Variants in RTKN observed in about 807,000 individuals in gnomAD.
RTKN encodes rhotekin.
Under a neutral mutation model 63.5 loss-of-function variants are expected in RTKN, and 49 were observed. The ratio of observed to expected loss-of-function variants is 0.77; its 90% CI spans 0.61 to 0.98. RTKN has a LOEUF of 0.98. Among genes scored for constraint, RTKN ranks in the 50% least tolerant of loss-of-function variants. RTKN has a pLI of 0.00. For missense variants in RTKN, 685 were observed against 740.8 expected (o/e 0.92, Z 0.87); for synonymous variants, 295 against 290.4 (o/e 1.02, Z -0.16).
intron 1 of RTKN, among the ~76,000 whole-genome samples, chr2:74,435,683 A>C (rs183340772): frequency 1.7e-3 from 259 of 152,322 alleles, no homozygotes; most frequent in African/African-American, 5.6e-3. Context: ...TTCAGGAGAC[A>C]AGTCGAGCCA....
intron 9 of RTKN, chr2:74,428,007 G>T: frequency 3.7e-6 from 2 of 545,054 alleles, no homozygotes; most frequent in Non-Finnish European, 6.6e-6. Flanking sequence ...GAGGGAGAGA[G>T]GATGAAAAGC....
intron 11 of RTKN, chr2:74,426,961 T>G: frequency 1.0e-6 from 1 of 985,356 alleles, no homozygotes; most frequent in Non-Finnish European, 1.2e-6. Context: ...CCTGGCTCAC[T>G]GGGGTTTTGT....
rs149311850 is a variant in RTKN at position 74,431,967 on chromosome 2, G to A, written c.311+500C>T. 123 of 222,718 alleles carry A rather than the reference G, an allele frequency of 5.5e-4. 1 individual carries two copies. The highest frequency in any genetic ancestry group is 2.6e-3 in the African/African-American group (113 of 42,960). The allele number at this position is 222,718 out of a possible 1,614,324, so 13.8% of individuals were successfully genotyped here. Reference sequence around the variant, plus strand: ...CAGTGTTGCTTACATTTTACATCCAGAAGCTGAGCCCTTTTAGAATGCACA... The same window carrying A: ...CAGTGTTGCTTACATTTTACATCCAAAAGCTGAGCCCTTTTAGAATGCACA... On this transcript the variant is annotated intron_variant, in intron 2 of 11. Transcript: ENST00000272430.
chr2:74,430,678 C>T lies in RTKN; in HGVS notation c.312-1G>A. Reference sequence around the variant, plus strand: ...AGCGGGCGGGCCACTGTCAGAAGGCCTGTGGATAAATCACAATGTCCTGGC... The same window carrying T: ...AGCGGGCGGGCCACTGTCAGAAGGCTTGTGGATAAATCACAATGTCCTGGC... On this transcript the variant is annotated splice_acceptor_variant, in intron 2 of 11. Coordinates refer to ENST00000272430, the MANE Select transcript of RTKN (RefSeq NM_001015055.2). LOFTEE classifies it high-confidence loss of function. 5.0e-6 allele frequency: 8 copies of T among 1,611,696 alleles called. No individual in the cohort carries two copies. Among genetic ancestry groups the T allele is most frequent in the Non-Finnish European group, 6.8e-6 (8 of 1,179,676 alleles).
chr2:74,433,257 C>CATATATATATAT (rs1262494465), intron 1 of RTKN, among the ~76,000 whole-genome samples: 2 of 144,384 alleles, frequency 1.4e-5, no homozygotes, highest in African/African-American at 5.1e-5. Context: ...AAAAAAAAAA[C>CATATATATATAT]ATATATATAT....
At position 74,430,029 on chromosome 2, in the gene RTKN, G is replaced by A. The variant is rs747238362; in HGVS notation, c.554C>T (p.Ala185Val). Residue 185 changes from alanine to valine, a missense_variant, in exon 6 of 12, where the codon GCG becomes GTG. By Grantham distance (64) the Ala-to-Val change is moderately conservative. Coordinates refer to ENST00000272430, the MANE Select transcript of RTKN (RefSeq NM_001015055.2). ...SFQSNVLFAE[A>V]GPDFELRLEL... Reference sequence around the variant, plus strand: ...TAACCGCAGTTCAAAGTCTGGCCCCGCCTCAGCGCTGGTGGGAGGAAGAAA... The same window carrying A: ...TAACCGCAGTTCAAAGTCTGGCCCCACCTCAGCGCTGGTGGGAGGAAGAAA... 17 of 1,614,186 alleles carry A rather than the reference G, an allele frequency of 1.1e-5. No individual in the cohort carries two copies. The Admixed American group carries it at 1.3e-4, about 13-fold the overall frequency.
At chr2:74,433,250 A>AC (rs1670861422) in intron 1 of RTKN, among the ~76,000 whole-genome samples, 3 of 146,124 alleles carry the variant, frequency 2.1e-5, no homozygotes, top group African/African-American at 7.5e-5. Context: ...CTCAAAAAAA[A>AC]AAAAAACATA....
At chr2:74,437,968 T>G (rs529235805) in intron 1 of RTKN, among the ~76,000 whole-genome samples, 1 of 152,166 alleles carries the variant, frequency 6.6e-6, no homozygotes. Flanking sequence ...AAGACGGTCC[T>G]GAGAAAGATT....
At chr2:74,439,470 C>T (rs1348315037) in intron 1 of RTKN, 13 of 1,494,570 alleles carry the variant, frequency 8.7e-6, no homozygotes, top group Non-Finnish European at 1.1e-5. Flanking sequence ...CCCCACCATG[C>T]TGTAGCAGGA....
chr2:74,427,825 A>T, intron 9 of RTKN: 1 of 544,864 alleles, frequency 1.8e-6, no homozygotes. Flanking sequence ...GGGATTGAGC[A>T]AGGCAGGGAA....
chr2:74,434,533 G>C (rs959077381), intron 1 of RTKN, among the ~76,000 whole-genome samples: 4 of 152,252 alleles, frequency 2.6e-5, no homozygotes, highest in African/African-American at 9.6e-5. Context: ...ACCCGCCTTG[G>C]CCTCCCAAAG....
Position 74,432,632 on chromosome 2 carries a change from A to G in RTKN, c.146T>C (p.Ile49Thr). ...TELQRKLDHEIRMREGACKLL... is the reference protein window; with the variant it reads ...TELQRKLDHETRMREGACKLL... Reference sequence around the variant, plus strand: ...CTTACAGGCCCCTTCCCTCATCCGGATCTCATGGTCTAGCTTCCTCTGCAA... The same window carrying G: ...CTTACAGGCCCCTTCCCTCATCCGGGTCTCATGGTCTAGCTTCCTCTGCAA... Residue 49 changes from isoleucine to threonine, a missense_variant, in exon 2 of 12, where the codon ATC becomes ACC. Ile to Thr is a moderately conservative substitution (Grantham distance 89). Transcript: ENST00000272430. The G allele has an allele frequency of 2.5e-6, 4 of 1,613,990 alleles. No homozygotes were observed. The highest frequency in any genetic ancestry group is 3.4e-6 in the Non-Finnish European group (4 of 1,179,998).
At chr2:74,432,375 A>G in intron 2 of RTKN, 92 bp downstream of exon 2, 1 of 1,208,166 alleles carries the variant, frequency 8.3e-7, no homozygotes, top group Non-Finnish European at 1.2e-6. Context: ...GTCATCTTTA[A>G]GGTGGTCCAC....
At chr2:74,430,861 T>C (rs941895018) in intron 2 of RTKN, 184 bp from the exon 3 acceptor site, 2 of 613,266 alleles carry the variant, frequency 3.3e-6, no homozygotes, top group Admixed American at 3.0e-5. Flanking sequence ...TTTGCCAGGC[T>C]TGGGGACACC....
chr2:74,438,917 C>T (rs1393629643), intron 1 of RTKN, among the ~76,000 whole-genome samples: 2 of 152,218 alleles, frequency 1.3e-5, no homozygotes, highest in East Asian at 1.9e-4. Context: ...ATGGAACTTT[C>T]TTGTCTTATT....
In RTKN at chr2:74,436,951, A is replaced by G. The variant is rs1671099723; in HGVS notation, c.112-4285T>C. Among the ~76,000 whole-genome samples the G allele has an allele frequency of 6.6e-6, 1 of 152,154 alleles. No individual in the cohort carries two copies. Among genetic ancestry groups the G allele is most frequent in the African/African-American group, 2.4e-5 (1 of 41,428 alleles). On this transcript the variant is annotated intron_variant, in intron 1 of 11. Coordinates refer to ENST00000272430, the MANE Select transcript of RTKN (RefSeq NM_001015055.2). The surrounding 1 kb of genome is among the most constrained non-coding windows in gnomAD (Gnocchi z 4.3). The stretch of plus-strand genomic sequence containing the variant: ...GGGAAAGAGCGCAGAGCTGGGTGTC[A>G]GCTGGACCCGGGTCAGATCCCAAGG...
chr2:74,432,586 C>T lies in RTKN; in HGVS notation c.192G>A (p.Gln64=), dbSNP rs1670819218. 1 of 1,613,996 alleles carries T rather than the reference C, an allele frequency of 6.2e-7. No individual in the cohort carries two copies. The highest frequency in any genetic ancestry group is 8.5e-7 in the Non-Finnish European group (1 of 1,179,894). Residue 64 remains glutamine, a synonymous_variant, in exon 2 of 12, where the codon CAG becomes CAA. Transcript: ENST00000272430. The part of the protein sequence containing the change: ...GACKLLAACS[Q]REQALEATKS... ...TGGTGGCCTCCAGAGCCTGCTCTCG[C>T]TGGGAGCAGGCTGCCAGCAGCTTAC...
At chr2:74,440,145 G>T in intron 1 of RTKN, 1 of 433,760 alleles carries the variant, frequency 2.3e-6, no homozygotes, top group Non-Finnish European at 3.1e-6. Context: ...AGAGTCATGG[G>T]GTTTGCAGGA....
At chr2:74,440,386 A>C in intron 1 of RTKN, 1 of 986,568 alleles carries the variant, frequency 1.0e-6, no homozygotes, top group Non-Finnish European at 1.2e-6. Flanking sequence ...AGAGGGAGAG[A>C]GGAAGGCAGG....
Sources: allele counts gnomAD v4.1 joint callset (sites outside exome capture counted in the v4.1 genomes callset), GRCh38; gene constraint gnomAD v4.1.1; non-coding constraint Gnocchi (gnomAD v3.1); transcripts MANE v1.5; gene names NCBI Gene and HGNC (gene_info 2026-07-23, HGNC 2026-07-21).